The following LIMCH1 variants were observed in gnomAD, a reference collection of about 807,000 sequenced individuals.
LIMCH1 encodes LIM and calponin homology domains-containing protein 1.
A neutral mutation model predicts 176.5 loss-of-function variants in LIMCH1; 113 were observed. That is an observed-to-expected ratio of 0.64 (90% CI 0.55 to 0.75). The LOEUF is 0.75. Among genes scored for constraint, LIMCH1 ranks in the 30% least tolerant of loss-of-function variants. The pLI is 0.00. For synonymous variants in LIMCH1, 619 were observed against 645.9 expected (o/e 0.96, Z 0.63); for missense variants, 1,674 against 1,814.9 (o/e 0.92, Z 1.41).
In LIMCH1 at chr4:41,415,572, C is replaced by T. The variant is rs551892011; in HGVS notation, c.96+54636C>T. On this transcript the variant is annotated intron_variant, in intron 1 of 26. Transcript: ENST00000313860. Reference sequence around the variant, plus strand: ...GCCTTGCCCATACAGCTGTCGTCTGCTTTAGGAGACAGGTTTTGGAAGCAT... The same window carrying T: ...GCCTTGCCCATACAGCTGTCGTCTGTTTTAGGAGACAGGTTTTGGAAGCAT... 1.2e-4 allele frequency among the ~76,000 whole-genome samples: 18 copies of T among 152,284 alleles called. 2 individuals carry two copies. Among genetic ancestry groups the T allele is most frequent in the African/African-American group, 3.4e-4 (14 of 41,554 alleles).
At chr4:41,581,721 G>A (rs1317648985) in intron 1 of LIMCH1, among the ~76,000 whole-genome samples, 3 of 145,908 alleles carry the variant, frequency 2.1e-5, no homozygotes, top group Non-Finnish European at 1.5e-5. Flanking sequence ...CAGGAGAATC[G>A]TTTGAACCTG....
intron 1 of LIMCH1, among the ~76,000 whole-genome samples, chr4:41,557,392 C>T (rs1231391092): frequency 6.6e-6 from 1 of 152,272 alleles, no homozygotes; most frequent in Non-Finnish European, 1.5e-5. Flanking sequence ...TAACTCCACT[C>T]TCTCATACAT....
At chr4:41,577,226 G>C (rs938537332) in intron 1 of LIMCH1, among the ~76,000 whole-genome samples, 12 of 151,620 alleles carry the variant, frequency 7.9e-5, no homozygotes, top group African/African-American at 2.9e-4. Context: ...AATCTTGGTG[G>C]CTGGAGACCA....
intron 3 of LIMCH1, among the ~76,000 whole-genome samples, chr4:41,530,441 A>G (rs2077134103): frequency 6.6e-6 from 1 of 152,102 alleles, no homozygotes; most frequent in Admixed American, 6.5e-5. Context: ...CCAGTGGTTT[A>G]TCTTATAGAT....
At chr4:41,462,306 G>A (rs1339574097) in intron 1 of LIMCH1, among the ~76,000 whole-genome samples, 3 of 152,150 alleles carry the variant, frequency 2.0e-5, no homozygotes, top group Non-Finnish European at 4.4e-5. Context: ...CTGCAAAAAG[G>A]ATTAATTAGA....
intron 7 of LIMCH1, among the ~76,000 whole-genome samples, chr4:41,624,833 A>G (rs1471385968): frequency 6.6e-6 from 1 of 152,174 alleles, no homozygotes; most frequent in Admixed American, 6.5e-5. Flanking sequence ...ATGTTGAGAC[A>G]AGAGCTTTTC....
chr4:41,543,424 T>C (rs1035851927), intron 1 of LIMCH1, among the ~76,000 whole-genome samples: 14 of 152,176 alleles, frequency 9.2e-5, no homozygotes, highest in African/African-American at 2.6e-4. Flanking sequence ...TTTAAGAAAA[T>C]TGGATTTTTC....
At chr4:41,405,740 A>G (rs1363759358) in intron 1 of LIMCH1, among the ~76,000 whole-genome samples, 2 of 152,240 alleles carry the variant, frequency 1.3e-5, no homozygotes, top group African/African-American at 2.4e-5. Flanking sequence ...GTATCAAATT[A>G]TCACCTATAC....
At chr4:41,413,835 A>G (rs1376691022) in intron 1 of LIMCH1, among the ~76,000 whole-genome samples, 1 of 152,118 alleles carries the variant, frequency 6.6e-6, no homozygotes. Context: ...TTAAAGGAAA[A>G]AAGACTAGCA....
At chr4:41,655,960 C>G (rs993339317) in intron 18 of LIMCH1, among the ~76,000 whole-genome samples, 21 of 152,188 alleles carry the variant, frequency 1.4e-4, no homozygotes, top group Admixed American at 6.5e-5. Context: ...TTCATCAGAT[C>G]TCTCTCACCA....
chr4:41,619,830 G>T (rs983699776), intron 6 of LIMCH1: 5 of 225,408 alleles, frequency 2.2e-5, no homozygotes, highest in African/African-American at 4.4e-5. Flanking sequence ...AAAACTCTAG[G>T]CTTAAATTAA....
chr4:41,588,568 C>G (rs1211021836), intron 1 of LIMCH1, among the ~76,000 whole-genome samples: 1 of 152,196 alleles, frequency 6.6e-6, no homozygotes, highest in Non-Finnish European at 1.5e-5. Context: ...TTCCCCTCTT[C>G]CTCTTCTAGC....
intron 2 of LIMCH1, among the ~76,000 whole-genome samples, chr4:41,509,337 G>A (rs944612858): frequency 6.6e-6 from 1 of 152,132 alleles, no homozygotes; most frequent in African/African-American, 2.4e-5. Flanking sequence ...AGGTGGTAGG[G>A]CACAATGTGT....
chr4:41,585,314 G>T (rs893073554), intron 1 of LIMCH1, among the ~76,000 whole-genome samples: 7 of 152,074 alleles, frequency 4.6e-5, no homozygotes, highest in African/African-American at 1.4e-4. Context: ...CTGTTCTTTT[G>T]TGTCTGACTT....
intron 1 of LIMCH1, among the ~76,000 whole-genome samples, chr4:41,564,153 A>C (rs2082410157): frequency 6.6e-6 from 1 of 152,196 alleles, no homozygotes. Context: ...ACTTCTCATA[A>C]CAAGTGTAAG....
intron 1 of LIMCH1, among the ~76,000 whole-genome samples, chr4:41,558,967 A>G (rs2081685536): frequency 6.6e-6 from 1 of 152,180 alleles, no homozygotes; most frequent in Admixed American, 6.5e-5. Flanking sequence ...TAATGCAGAA[A>G]TTTAGCTTTG....
At chr4:41,553,455 A>T (rs1435802251) in intron 1 of LIMCH1, among the ~76,000 whole-genome samples, 1 of 152,134 alleles carries the variant, frequency 6.6e-6, no homozygotes, top group Non-Finnish European at 1.5e-5. Context: ...AAAAGGTGGT[A>T]TGTATGTTCC....
intron 2 of LIMCH1, among the ~76,000 whole-genome samples, chr4:41,600,440 C>T (rs550380040): frequency 2.2e-4 from 34 of 152,280 alleles, no homozygotes; most frequent in Non-Finnish European, 3.7e-4. Context: ...GTCACACACA[C>T]ATTGCTTGGA....
At chr4:41,652,170 C>G (rs774280579) in intron 18 of LIMCH1, among the ~76,000 whole-genome samples, 5 of 152,142 alleles carry the variant, frequency 3.3e-5, no homozygotes, top group Non-Finnish European at 7.3e-5. Context: ...TTGTGTGACC[C>G]AGCTAGCTAA....
Sources: gnomAD v4.1 joint callset for allele counts (sites outside exome capture counted in the v4.1 genomes callset) on GRCh38, gnomAD v4.1.1 for gene constraint, MANE v1.5 for transcripts, NCBI Gene and HGNC (gene_info 2026-07-23, HGNC 2026-07-21) for gene names.